SLC38A12: variants seen among roughly 807,000 people sequenced by gnomAD.
The protein encoded by SLC38A12 is putative sodium-coupled neutral amino acid transporter 12.
the SLC38A12 span, chr17:74,777,650 T>A: frequency 7.1e-7 from 1 of 1,404,562 alleles, no homozygotes; most frequent in South Asian, 1.2e-5. Flanking sequence ...CTGGGCACGG[T>A]GGCTCACGCC....
At chr17:74,825,418 T>C in the SLC38A12 span, among the ~76,000 whole-genome samples, 1 of 152,250 alleles carries the variant, frequency 6.6e-6, no homozygotes, top group South Asian at 2.1e-4. Context: ...GGCCCATTTA[T>C]AGGAGAGGAA....
the SLC38A12 span, chr17:74,788,850 A>G: frequency 6.2e-7 from 1 of 1,613,492 alleles, no homozygotes; most frequent in Non-Finnish European, 8.5e-7. Flanking sequence ...GCTCCACTGG[A>G]AGAGGATGGA....
At chr17:74,835,981 A>T in the SLC38A12 span, 1 of 1,604,594 alleles carries the variant, frequency 6.2e-7, no homozygotes, top group Non-Finnish European at 8.5e-7. Context: ...GGACAAGGGG[A>T]GGGGCACCCG....
chr17:74,805,761 G>A, the SLC38A12 span, among the ~76,000 whole-genome samples: 18 of 152,186 alleles, frequency 1.2e-4, 1 homozygote, highest in African/African-American at 3.6e-4. The surrounding 1 kb of genome is among the most constrained non-coding windows in gnomAD (Gnocchi z 5.0). Context: ...TCCAGCTCCT[G>A]CTGGAGCGTT....
the SLC38A12 span, among the ~76,000 whole-genome samples, chr17:74,805,705 G>A: frequency 5.9e-5 from 9 of 152,226 alleles, 1 homozygote; most frequent in African/African-American, 9.6e-5. This position sits in a 1 kb window ranked among gnomAD's most constrained non-coding sequence, Gnocchi z 5.0. Flanking sequence ...AGCCCTCTCT[G>A]CAGGGCACCC....
the SLC38A12 span, among the ~76,000 whole-genome samples, chr17:74,829,054 C>G: frequency 5.9e-5 from 9 of 152,224 alleles, no homozygotes; most frequent in Middle Eastern, 3.4e-3. The surrounding 1 kb of genome is among the most constrained non-coding windows in gnomAD (Gnocchi z 4.1). Flanking sequence ...CTTAACATAT[C>G]AAAAATATCT....
the SLC38A12 span, among the ~76,000 whole-genome samples, chr17:74,831,132 A>G: frequency 6.6e-6 from 1 of 152,056 alleles, no homozygotes; most frequent in Non-Finnish European, 1.5e-5. Context: ...TGGGACCCCC[A>G]CCACGTGCCT....
At chr17:74,815,983 G>A in the SLC38A12 span, among the ~76,000 whole-genome samples, 9 of 152,294 alleles carry the variant, frequency 5.9e-5, no homozygotes, top group East Asian at 1.2e-3. Context: ...ACAGGCCCCC[G>A]TGAGGCTGCA....
chr17:74,814,017 C>T, the SLC38A12 span, among the ~76,000 whole-genome samples: 10 of 152,050 alleles, frequency 6.6e-5, no homozygotes, highest in African/African-American at 2.4e-4. Context: ...TGGTGGGTGG[C>T]GGTGGGTGAC....
At chr17:74,838,954 G>T in the SLC38A12 span, 2 of 1,535,650 alleles carry the variant, frequency 1.3e-6, no homozygotes, top group Middle Eastern at 1.7e-4. Flanking sequence ...CCAGGAGCAG[G>T]TGTCGTTGTG....
At chr17:74,808,477 G>T in the SLC38A12 span, among the ~76,000 whole-genome samples, 3 of 152,240 alleles carry the variant, frequency 2.0e-5, no homozygotes, top group Non-Finnish European at 4.4e-5. Context: ...CTCCTTGGAA[G>T]ATGCCATCCT....
the SLC38A12 span, chr17:74,819,639 C>T: frequency 9.6e-7 from 1 of 1,044,912 alleles, no homozygotes; most frequent in Non-Finnish European, 1.5e-6. Flanking sequence ...GTGCCCAAGT[C>T]AGGCCCGGCC....
the SLC38A12 span, among the ~76,000 whole-genome samples, chr17:74,790,778 A>G: frequency 6.6e-6 from 1 of 151,964 alleles, no homozygotes; most frequent in Non-Finnish European, 1.5e-5. Context: ...CCCTTAAAAA[A>G]AAAAAAAAAA....
the SLC38A12 span, chr17:74,777,545 C>T: frequency 1.3e-6 from 2 of 1,539,344 alleles, no homozygotes; most frequent in Non-Finnish European, 1.7e-6. Flanking sequence ...TGTGGTGGCT[C>T]AGAATGTAAG....
chr17:74,777,406 C>G, the SLC38A12 span: 1 of 1,614,032 alleles, frequency 6.2e-7, no homozygotes. Flanking sequence ...CTTTTGCTCA[C>G]TTAAGTGTTC....
chr17:74,838,562 G>A, the SLC38A12 span: 75 of 1,172,722 alleles, frequency 6.4e-5, no homozygotes, highest in South Asian at 1.9e-3. Flanking sequence ...CATGGAGTCG[G>A]TGGCCGTGTT....
At chr17:74,795,161 C>T in the SLC38A12 span, 2 of 1,486,636 alleles carry the variant, frequency 1.3e-6, no homozygotes, top group Non-Finnish European at 1.9e-6. Flanking sequence ...GGGGCTTCCT[C>T]AGCAAGTCAG....
At chr17:74,825,656 A>G in the SLC38A12 span, among the ~76,000 whole-genome samples, 3 of 152,204 alleles carry the variant, frequency 2.0e-5, no homozygotes, top group African/African-American at 4.8e-5. Flanking sequence ...TCCAGCTACC[A>G]GACAAAGACT....
chr17:74,788,355 G>A, the SLC38A12 span, among the ~76,000 whole-genome samples: 1 of 152,190 alleles, frequency 6.6e-6, no homozygotes, highest in Non-Finnish European at 1.5e-5. Flanking sequence ...GTGACCACTC[G>A]CCTGTGTCCT....
Sources: gnomAD v4.1 joint callset for allele counts (sites outside exome capture counted in the v4.1 genomes callset) on GRCh38, gnomAD v4.1.1 for gene constraint, Gnocchi (gnomAD v3.1) non-coding constraint, MANE v1.5 for transcripts, NCBI Gene and HGNC (gene_info 2026-07-23, HGNC 2026-07-21) for gene names.